ANKRD62: variants seen among roughly 807,000 people sequenced by gnomAD.
ANKRD62 encodes ankyrin repeat domain-containing protein 62.
Under a neutral mutation model 98.8 loss-of-function variants are expected in ANKRD62, and 61 were observed. The observed-to-expected ratio is 0.62, with a 90% CI of 0.50 to 0.76. The LOEUF is 0.76. ANKRD62 is among the 30% of genes least tolerant of loss of function. ANKRD62 has a pLI of 0.00. For synonymous variants in ANKRD62, 341 were observed against 367.9 expected (o/e 0.93, Z 0.84); for missense variants, 933 against 1,082.9 (o/e 0.86, Z 1.94).
chr18:12,134,958 A>C, the ANKRD62 span, among the ~76,000 whole-genome samples: 1 of 152,116 alleles, frequency 6.6e-6, no homozygotes, highest in Admixed American at 6.5e-5. Context: ...ACTGACTTCC[A>C]CAATAGTTAA....
chr18:12,145,258 A>C, the ANKRD62 span, among the ~76,000 whole-genome samples: 1 of 152,248 alleles, frequency 6.6e-6, no homozygotes, highest in South Asian at 2.1e-4. Flanking sequence ...TCCTTCTGGG[A>C]GGTCCCACTG....
chr18:12,133,004 T>A (rs1422859836), downstream of ANKRD62, among the ~76,000 whole-genome samples: 1 of 152,108 alleles, frequency 6.6e-6, no homozygotes, highest in Non-Finnish European at 1.5e-5. Flanking sequence ...CATACAACAA[T>A]CACTACTATC....
chr18:12,112,114 A>G (rs1322403941), intron 8 of ANKRD62, among the ~76,000 whole-genome samples: 6 of 148,918 alleles, frequency 4.0e-5, no homozygotes, highest in Admixed American at 1.3e-4. Context: ...TCCAACTCAA[A>G]AAAAAAAAAA....
At chr18:12,162,464 CTG>C in the ANKRD62 span, among the ~76,000 whole-genome samples, 1 of 152,040 alleles carries the variant, frequency 6.6e-6, no homozygotes, top group Non-Finnish European at 1.5e-5. Flanking sequence ...TTCTCCCATT[CTG>C]TCAGTTATCT....
rs764896055 is a variant in ANKRD62 at position 12,122,597 on chromosome 18, AC to A, written c.1454+83del. 211 of 1,202,702 alleles carry A rather than the reference AC, an allele frequency of 1.8e-4. 1 individual carries two copies. The highest frequency in any genetic ancestry group is 1.4e-4 in the Admixed American group (5 of 34,564). 74.5% of individuals were successfully genotyped at this position (1,202,702 alleles called of 1,614,324 possible). On this transcript the variant is annotated intron_variant, in intron 11 of 13. Coordinates refer to ENST00000587848, the MANE Select transcript of ANKRD62 (RefSeq NM_001277333.2). ...GGATAATTTTTGTAATAGCTGACTT[AC>A]CTTCTAGGGTTTAATAGAGAAGAAA... is the stretch of plus-strand genomic sequence containing the variant.
intron 8 of ANKRD62, among the ~76,000 whole-genome samples, chr18:12,111,983 A>G (rs1909549896): frequency 6.6e-6 from 1 of 151,868 alleles, no homozygotes; most frequent in Non-Finnish European, 1.5e-5. Context: ...GGTGGCAGGC[A>G]CCTGTAATCT....
At chr18:12,108,748 G>A (rs1461097124) in intron 8 of ANKRD62, among the ~76,000 whole-genome samples, 1 of 152,216 alleles carries the variant, frequency 6.6e-6, no homozygotes, top group Non-Finnish European at 1.5e-5. Flanking sequence ...CTAAGATACA[G>A]TGGGGGTACA....
At chr18:12,121,590 T>G (rs1321606485) in intron 10 of ANKRD62, among the ~76,000 whole-genome samples, 2 of 152,200 alleles carry the variant, frequency 1.3e-5, no homozygotes, top group East Asian at 3.8e-4. Context: ...CTGTGATTTC[T>G]CTCTGCTTTT....
chr18:12,169,862 G>C, the ANKRD62 span, among the ~76,000 whole-genome samples: 5 of 152,154 alleles, frequency 3.3e-5, no homozygotes, highest in South Asian at 1.0e-3. Flanking sequence ...TCTTGGGAGG[G>C]TGTATGTGTC....
At chr18:12,111,471 G>A (rs573506795) in intron 8 of ANKRD62, among the ~76,000 whole-genome samples, 72 of 152,252 alleles carry the variant, frequency 4.7e-4, no homozygotes, top group African/African-American at 1.6e-3. Context: ...AGCAAAAGCT[G>A]GAAGCGGTCC....
At chr18:12,102,176 G>C in intron 6 of ANKRD62, 1 of 945,710 alleles carries the variant, frequency 1.1e-6, no homozygotes, top group Non-Finnish European at 1.7e-6. Context: ...TGAAGAGTGA[G>C]GGTTGCAGCA....
At chr18:12,127,001 TGTG>T (rs1909906107) in intron 13 of ANKRD62, among the ~76,000 whole-genome samples, 1 of 152,226 alleles carries the variant, frequency 6.6e-6, no homozygotes, top group Non-Finnish European at 1.5e-5. Flanking sequence ...ATGGGGAAAA[TGTG>T]GTAAATGTTA....
intron 10 of ANKRD62, among the ~76,000 whole-genome samples, chr18:12,115,859 A>G (rs1029970695): frequency 1.2e-4 from 18 of 152,088 alleles, no homozygotes; most frequent in African/African-American, 4.1e-4. Flanking sequence ...TCTTTTCCCT[A>G]CTGCCCCACC....
chr18:12,146,801 T>C, the ANKRD62 span, among the ~76,000 whole-genome samples: 3 of 152,274 alleles, frequency 2.0e-5, no homozygotes, highest in African/African-American at 7.2e-5. Flanking sequence ...GTGTGAGACT[T>C]CCTGGCAGGG....
chr18:12,127,624 G>T, intron 13 of ANKRD62, 124 bp from the exon 14 acceptor site: 1 of 635,850 alleles, frequency 1.6e-6, no homozygotes, highest in Non-Finnish European at 2.4e-6. Flanking sequence ...TACACATGAG[G>T]AGGAGAAGAA....
chr18:12,153,743 A>C, the ANKRD62 span, among the ~76,000 whole-genome samples: 3 of 152,148 alleles, frequency 2.0e-5, no homozygotes, highest in Non-Finnish European at 4.4e-5. Context: ...ACAGGGCTAC[A>C]GTAATCAAAA....
At position 12,108,363 on chromosome 18, in the gene ANKRD62, G is replaced by A. The variant is rs189014812; in HGVS notation, c.1064+896G>A. Among the ~76,000 whole-genome samples, 7 of 152,300 alleles carry A rather than the reference G, an allele frequency of 4.6e-5. No individual in the cohort carries two copies. In the East Asian group the frequency reaches 5.8e-4, roughly 13 times the overall value. On this transcript the variant is annotated intron_variant, in intron 8 of 13. Coordinates refer to ENST00000587848, the MANE Select transcript of ANKRD62 (RefSeq NM_001277333.2). ...GAAGCAAGCACCTTCTTCACAAGGC[G>A]GTAGGAGAGAGTGAGAGCAAGGAAG...
At chr18:12,168,622 T>G in the ANKRD62 span, among the ~76,000 whole-genome samples, 4 of 152,228 alleles carry the variant, frequency 2.6e-5, no homozygotes, top group African/African-American at 9.6e-5. Context: ...ATGAAGGCTC[T>G]TCTTTCATTC....
rs541176890 is a variant in ANKRD62, at chr18:12,102,803, T to C, written c.821-355T>C. On this transcript the variant is annotated intron_variant, in intron 6 of 13. Transcript: ENST00000587848. The stretch of plus-strand genomic sequence containing the variant: ...TTATTATAAAGGTAATATTAGGAAG[T>C]AAAGAACAATATGTAGTGTTAGTTT... 3 of 973,172 alleles carry C rather than the reference T, an allele frequency of 3.1e-6. No individual in the cohort carries two copies. In the Admixed American group the frequency reaches 1.6e-4, roughly 52 times the overall value. The allele number at this position is 973,172 out of a possible 1,614,324, so 60.3% of individuals were successfully genotyped here.
Sources: allele counts gnomAD v4.1 joint callset (sites outside exome capture counted in the v4.1 genomes callset), GRCh38; gene constraint gnomAD v4.1.1; transcripts MANE v1.5; gene names NCBI Gene and HGNC (gene_info 2026-07-23, HGNC 2026-07-21).